MAPK15: variants seen among roughly 807,000 people sequenced by gnomAD.
MAPK15 encodes the protein mitogen-activated protein kinase 15.
A neutral mutation model predicts 60.8 loss-of-function variants in MAPK15; 61 were observed. That is an observed-to-expected ratio of 1.00 (90% CI 0.82 to 1.24). The LOEUF (loss-of-function observed/expected upper bound fraction) is 1.24, where lower values mean the gene tolerates loss of function less well. Ranked by LOEUF, MAPK15 falls within the 50% of genes most tolerant of loss-of-function variation. The probability of loss-of-function intolerance (pLI) is 0.00; values close to 1 mark genes in which losing one functional copy is unlikely to be tolerated. For missense variants in MAPK15, 808 were observed against 741.1 expected, an observed-to-expected ratio of 1.09 and a Z score of -1.05; for synonymous variants, 356 against 319.9, an observed-to-expected ratio of 1.11 and a Z score of -1.21.
chr8:143,721,707 C>T (rs1436850796), intron 12 of MAPK15, 34 bp downstream of exon 12: 1 of 1,612,698 alleles, frequency 6.2e-7, no homozygotes, highest in East Asian at 2.2e-5. Flanking sequence ...AGGAGGGACC[C>T]CTCCTCTGCA....
chr8:143,721,025 G>C lies in MAPK15; in HGVS notation c.943G>C (p.Ala315Pro), dbSNP rs1006151943. Residue 315 changes from alanine to proline, a missense_variant, in exon 10 of 14, where the codon GCA (alanine) becomes CCA (proline). Physicochemically the swap from Ala to Pro is conservative, Grantham distance 27. Transcript: ENST00000338033. ...GTTCCACTGCCCCAGCGACGAGTGG[G>C]CACGAGAGGCAGATGTGCGGCCCCG... is the stretch of plus-strand genomic sequence containing the variant. ...QRFHCPSDEW[A>P]READVRPRAH... 1.2e-6 allele frequency: 2 copies of C among 1,611,550 alleles called. No individual in the cohort carries two copies. Among genetic ancestry groups the C allele is most frequent in the East Asian group, 4.5e-5 (2 of 44,804 alleles).
At position 143,718,088 on chromosome 8, in the gene MAPK15, G is replaced by A; in HGVS notation, c.195+12G>A. 6.2e-7 allele frequency: 1 copy of A among 1,614,092 alleles called. No individual in the cohort carries two copies. Among genetic ancestry groups the A allele is most frequent in the South Asian group, 1.1e-5 (1 of 91,088 alleles). On this transcript the variant is annotated intron_variant, in intron 3 of 13. Transcript: ENST00000338033. The stretch of plus-strand genomic sequence containing the variant: ...TCACGCTCCTCCAGGTGAGTGGCCT[G>A]GGCCCTCCAGTCCAATCCCCTTGCC...
At position 143,722,090 on chromosome 8, in the gene MAPK15, C is replaced by T. The variant is rs982290489; in HGVS notation, c.1474C>T (p.Pro492Ser). ...CTGTACACAGGTCCCTCCCCGGCTT[C>T]CTCCGGAGGCCCGGCCCGGCCGGAG... ...ASVQQVPPRLPPEARPGRRMF... is the reference protein window; with the variant it reads ...ASVQQVPPRLSPEARPGRRMF... The change falls in exon 14 of 14, where the codon CCT becomes TCT. Residue 492 changes from proline (P) to serine (S), a missense_variant. Physicochemically the swap from Pro to Ser is moderately conservative, Grantham distance 74. Transcript: ENST00000338033. 2 of 1,612,322 alleles carry T rather than the reference C, an allele frequency of 1.2e-6. No homozygotes were observed. The highest frequency in any genetic ancestry group is 2.2e-5 in the East Asian group (1 of 44,864).
Position 143,721,773 on chromosome 8 carries a change from G to T in MAPK15, c.1351G>T (p.Ala451Ser). 1 of 1,613,450 alleles carries T rather than the reference G, an allele frequency of 6.2e-7. No homozygotes were observed. Among genetic ancestry groups the T allele is most frequent in the Non-Finnish European group, 8.5e-7 (1 of 1,179,868 alleles). ...CCAGGTGAAGCCAAGCGGGAGGGGAGCTGCGCCCTCCCTGACCTCCCAGGC... is the reference window on the plus strand; with the variant it reads ...CCAGGTGAAGCCAAGCGGGAGGGGATCTGCGCCCTCCCTGACCTCCCAGGC... ...LSLVKPSGRG[A>S]APSLTSQAAA... Residue 451 changes from alanine (A) to serine (S), a missense_variant, in exon 13 of 14, where the codon GCT becomes TCT. Ala to Ser is a moderately conservative substitution (Grantham distance 99). Coordinates refer to ENST00000338033, the MANE Select transcript of MAPK15 (RefSeq NM_139021.3).
In MAPK15 at chr8:143,722,390, CG is replaced by C. The variant is rs1238996232; in HGVS notation, c.*144del. 1 of 722,112 alleles carries C rather than the reference CG, an allele frequency of 1.4e-6. No homozygotes were observed. The highest frequency in any genetic ancestry group is 2.1e-6 in the Non-Finnish European group (1 of 466,762). The allele number at this position is 722,112 out of a possible 1,614,324, so 44.7% of individuals were successfully genotyped here. On this transcript the variant is annotated 3_prime_UTR_variant, in exon 14 of 14. Coordinates refer to ENST00000338033, the MANE Select transcript of MAPK15 (RefSeq NM_139021.3). ...TCCAGGGAGCTTGCCCGGGTCTCCT[CG>C]GGGGAGCAGATGAGGGCCCTGCCCC...
At chr8:143,718,728 C>T (rs1554618974) in intron 4 of MAPK15, 47 bp from the exon 5 acceptor site, 2 of 270,874 alleles carry the variant, frequency 7.4e-6, no homozygotes, top group South Asian at 4.7e-5. Flanking sequence ...CCCCAGGTTG[C>T]CCCCCCAGCC....
At position 143,720,866 on chromosome 8, in the gene MAPK15, G is replaced by C; in HGVS notation, c.917+26G>C. On this transcript the variant is annotated intron_variant, in intron 9 of 13. Transcript: ENST00000338033. This position sits in a 1 kb window ranked among gnomAD's most constrained non-coding sequence, Gnocchi z 4.6. ...GTGGGGGTGGGAGAGAGTCCCCCAAGTGCGGGGGGACAGAGGTGGGGGCAG... is the reference window on the plus strand; with the variant it reads ...GTGGGGGTGGGAGAGAGTCCCCCAACTGCGGGGGGACAGAGGTGGGGGCAG... 1 of 1,605,688 alleles carries C rather than the reference G, an allele frequency of 6.2e-7. No individual in the cohort carries two copies. Among genetic ancestry groups the C allele is most frequent in the Middle Eastern group, 2.0e-4 (1 of 5,042 alleles).
At chr8:143,716,978 G>A (rs746791479) in intron 1 of MAPK15, among the ~76,000 whole-genome samples, 2 of 152,136 alleles carry the variant, frequency 1.3e-5, no homozygotes, top group Non-Finnish European at 2.9e-5. Flanking sequence ...TGGGGGAGGG[G>A]AGGAAGAGCC....
Position 143,721,586 on chromosome 8 carries a change from C to G in MAPK15, c.1242C>G (p.Asn414Lys), listed in dbSNP as rs782337392. 66 of 1,613,388 alleles carry G rather than the reference C, an allele frequency of 4.1e-5. No individual in the cohort carries two copies. In the East Asian group the frequency reaches 1.4e-3, roughly 35 times the overall value. The part of the protein sequence containing the change: ...PRAAKNVPRQ[N>K]SAPLLQTALL... ...CAGCCAAGAACGTTCCCAGGCAGAA[C>G]TCCGCTCCCCTGCTCCAAACTGCTC... Residue 414 changes from asparagine to lysine, a missense_variant, in exon 12 of 14, where the codon AAC becomes AAG. Coordinates refer to ENST00000338033, the MANE Select transcript of MAPK15 (RefSeq NM_139021.3).
rs782576322 is a variant in MAPK15, at chr8:143,718,083, G to A, written c.195+7G>A. On this transcript the variant is annotated splice_region_variant and intron_variant, in intron 3 of 13. Coordinates refer to ENST00000338033, the MANE Select transcript of MAPK15 (RefSeq NM_139021.3). ...GGAAATCACGCTCCTCCAGGTGAGT[G>A]GCCTGGGCCCTCCAGTCCAATCCCC... 1 of 1,614,066 alleles carries A rather than the reference G, an allele frequency of 6.2e-7. No individual in the cohort carries two copies. Among genetic ancestry groups the A allele is most frequent in the South Asian group, 1.1e-5 (1 of 91,092 alleles).
At position 143,716,408 on chromosome 8, in the gene MAPK15, C is replaced by T. The variant is rs782506286; in HGVS notation, c.31C>T (p.Arg11Trp). 1.9e-6 allele frequency: 3 copies of T among 1,605,678 alleles called. No individual in the cohort carries two copies. The highest frequency in any genetic ancestry group is 4.5e-5 in the East Asian group (2 of 44,004). ...CACCGTAGTGGACCCTCGCATTGTCCGGAGATACCTACTCAGGCGGCAGCT... is the reference window on the plus strand; with the variant it reads ...CACCGTAGTGGACCCTCGCATTGTCTGGAGATACCTACTCAGGCGGCAGCT... Reference protein sequence around the residue: MCTVVDPRIVRRYLLRRQLGQ... With the variant: MCTVVDPRIVWRYLLRRQLGQ... The change falls in exon 1 of 14, where the codon CGG becomes TGG. Residue 11 changes from arginine to tryptophan, a missense_variant. Coordinates refer to ENST00000338033, the MANE Select transcript of MAPK15 (RefSeq NM_139021.3).
intron 7 of MAPK15, 146 bp downstream of exon 7, chr8:143,719,628 G>C (rs1817969518): frequency 1.7e-6 from 2 of 1,161,170 alleles, no homozygotes; most frequent in Non-Finnish European, 2.3e-6. Context: ...GGAGCCCCAG[G>C]AAGACCGACT....
Position 143,718,891 on chromosome 8 carries a change from C to T in MAPK15, c.403C>T (p.His135Tyr). The T allele has an allele frequency of 6.2e-7, 1 of 1,607,372 alleles. No individual in the cohort carries two copies. Residue 135 changes from histidine (H) to tyrosine (Y), a missense_variant, in exon 5 of 14, where the codon CAC (histidine) becomes TAC (tyrosine). Physicochemically the swap from His to Tyr is moderately conservative, Grantham distance 83. Transcript: ENST00000338033. ...GTTCCTCCACTCGGGGCACGTTGTG[C>T]ACCGGGACCAGAAGGTGCGGTTCCC... ...TRFLHSGHVV[H>Y]RDQKPSNVLL...
chr8:143,717,434 G>C (rs1431448306), intron 1 of MAPK15, among the ~76,000 whole-genome samples: 1 of 152,126 alleles, frequency 6.6e-6, no homozygotes, highest in Non-Finnish European at 1.5e-5. Context: ...GCATCCCCGA[G>C]CTTCATTTCC....
In MAPK15 at chr8:143,720,844, G is replaced by C. The variant is rs782188955; in HGVS notation, c.917+4G>C. ...TGCAGCACCCCTACGTGCAGAGGTG[G>C]GGGTGGGAGAGAGTCCCCCAAGTGC... On this transcript the variant is annotated splice_donor_region_variant and intron_variant, in intron 9 of 13. Transcript: ENST00000338033. This position sits in a 1 kb window ranked among gnomAD's most constrained non-coding sequence, Gnocchi z 4.6. 6.2e-7 allele frequency: 1 copy of C among 1,611,044 alleles called. No individual in the cohort carries two copies. Among genetic ancestry groups the C allele is most frequent in the Non-Finnish European group, 8.5e-7 (1 of 1,179,316 alleles).
In MAPK15 at chr8:143,718,061, A is replaced by AT. The variant is rs782248842; in HGVS notation, c.180_181insT (p.Ile61TyrfsTer18). Reference sequence around the variant, plus strand: ...TGTCTCTTCAGAGAACATTCCGGGAAATCACGCTCCTCCAGGTGAGTGGCC... The same window carrying AT: ...TGTCTCTTCAGAGAACATTCCGGGAATATCACGCTCCTCCAGGTGAGTGGCC... On this transcript the variant is annotated frameshift_variant, in exon 3 of 14. Transcript: ENST00000338033. LOFTEE classifies it high-confidence loss of function. The AT allele has an allele frequency of 6.2e-7, 1 of 1,614,054 alleles. No homozygotes were observed. Among genetic ancestry groups the AT allele is most frequent in the Non-Finnish European group, 8.5e-7 (1 of 1,179,984 alleles).
At chr8:143,719,179 C>T (rs1554619210) in intron 6 of MAPK15, 23 bp downstream of exon 6, 1 of 1,362,852 alleles carries the variant, frequency 7.3e-7, no homozygotes, top group South Asian at 1.3e-5. Context: ...CATCCCCAAC[C>T]CCCCCTCCAC....
At position 143,722,157 on chromosome 8, in the gene MAPK15, C is replaced by G; in HGVS notation, c.1541C>G (p.Ala514Gly). Residue 514 changes from alanine to glycine, a missense_variant, in exon 14 of 14, where the codon GCC becomes GGC. Ala to Gly is a moderately conservative substitution (Grantham distance 60, BLOSUM62 0). Transcript: ENST00000338033. ...GCCTTGCAGGGTGCCCAGGGGGGTG[C>G]CAGGGCTTTGCTTGGAGGCTACTCC... ...TSALQGAQGGARALLGGYSQA... is the reference protein window; with the variant it reads ...TSALQGAQGGGRALLGGYSQA... 6.2e-7 allele frequency: 1 copy of G among 1,611,254 alleles called. No homozygotes were observed. The highest frequency in any genetic ancestry group is 8.5e-7 in the Non-Finnish European group (1 of 1,179,304).
intron 4 of MAPK15, 36 bp from the exon 5 acceptor site, chr8:143,718,739 C>G (rs1554618988): frequency 1.5e-6 from 2 of 1,304,080 alleles, no homozygotes; most frequent in Non-Finnish European, 2.1e-6. Flanking sequence ...CCCCCCAGCC[C>G]CCCACCCCCG....
Sources: gnomAD v4.1 joint callset for allele counts (sites outside exome capture counted in the v4.1 genomes callset) on GRCh38, gnomAD v4.1.1 for gene constraint, Gnocchi (gnomAD v3.1) non-coding constraint, MANE v1.5 for transcripts, NCBI Gene and HGNC (gene_info 2026-07-23, HGNC 2026-07-21) for gene names.